ZC3H7B: variants seen among roughly 807,000 people sequenced by gnomAD.
The protein encoded by ZC3H7B is zinc finger CCCH domain-containing protein 7B.
In ZC3H7B, 35 loss-of-function variants were observed where a neutral mutation model predicts 116.0. The observed-to-expected ratio is 0.30, with a 90% CI of 0.23 to 0.40. The LOEUF (loss-of-function observed/expected upper bound fraction) is 0.40, where lower values mean the gene tolerates loss of function less well. Ranked by LOEUF, ZC3H7B falls within the 10% of genes least tolerant of loss-of-function variation. The pLI is 1.00. For synonymous variants in ZC3H7B, 502 were observed against 545.6 expected, an observed-to-expected ratio of 0.92 and a Z score of 1.11; for missense variants, 1,011 against 1,321.5, an observed-to-expected ratio of 0.77 and a Z score of 3.64.
At chr22:41,311,478 G>C (rs910402124) in intron 1 of ZC3H7B, among the ~76,000 whole-genome samples, 4 of 152,072 alleles carry the variant, frequency 2.6e-5, no homozygotes, top group African/African-American at 9.7e-5. Flanking sequence ...GGACACAGAG[G>C]CATCTAAGCT....
chr22:41,354,485 G>A (rs1182396957), intron 17 of ZC3H7B, among the ~76,000 whole-genome samples: 4 of 152,174 alleles, frequency 2.6e-5, no homozygotes. Context: ...GCAATGCTGG[G>A]GACACGGTGG....
At chr22:41,337,729 CAG>C (rs1040201198) in intron 7 of ZC3H7B, among the ~76,000 whole-genome samples, 1 of 152,158 alleles carries the variant, frequency 6.6e-6, no homozygotes, top group Admixed American at 6.5e-5. Flanking sequence ...AACCAAGACT[CAG>C]AGGTTCTCTC....
At chr22:41,343,951 T>C (rs1315846218) in intron 13 of ZC3H7B, among the ~76,000 whole-genome samples, 1 of 152,182 alleles carries the variant, frequency 6.6e-6, no homozygotes, top group Non-Finnish European at 1.5e-5. Context: ...ATGAAGCATT[T>C]AGGACTGGCG....
Position 41,359,614 on chromosome 22 carries a change from A to T in ZC3H7B, c.*2185A>T, listed in dbSNP as rs1272957618. ...ATTTGTATTTGTCTCCCCGCTGAAA[A>T]GAACAGGATTCAAGTCCAGAGTTTT... On this transcript the variant is annotated 3_prime_UTR_variant, in exon 23 of 23. Coordinates refer to ENST00000352645, the MANE Select transcript of ZC3H7B (RefSeq NM_017590.6). The T allele has an allele frequency of 6.6e-6, 1 of 152,258 alleles. No homozygotes were observed. Among genetic ancestry groups the T allele is most frequent in the Non-Finnish European group, 1.5e-5 (1 of 68,100 alleles). The allele number at this position is 152,258 out of a possible 1,614,324, so 9.4% of individuals were successfully genotyped here. A position where few individuals can be genotyped will look rare whatever the true frequency, so the allele number is the denominator to read the frequency against.
intron 1 of ZC3H7B, among the ~76,000 whole-genome samples, chr22:41,305,118 G>T (rs972866731): frequency 6.6e-6 from 1 of 152,136 alleles, no homozygotes; most frequent in Non-Finnish European, 1.5e-5. Context: ...ACGCCGGGGC[G>T]GGTGGATCAC....
At chr22:41,348,454 AAGTAGCTT>A in intron 15 of ZC3H7B, among the ~76,000 whole-genome samples, 1 of 152,324 alleles carries the variant, frequency 6.6e-6, no homozygotes, top group South Asian at 2.1e-4. Flanking sequence ...TGAGGCTTGG[AAGTAGCTT>A]ACTTAGCTTA....
In ZC3H7B at chr22:41,338,492, G is replaced by A; in HGVS notation, c.625+137G>A. On this transcript the variant is annotated intron_variant, in intron 8 of 22. Transcript: ENST00000352645. The surrounding 1 kb of genome is among the most constrained non-coding windows in gnomAD (Gnocchi z 4.5). ...CCCACCCTGGTACTCCCTGAGGCAT[G>A]GGAGAAAACAGTGGGTTGAGAGCTA... The A allele has an allele frequency of 1.1e-6, 1 of 895,378 alleles. No individual in the cohort carries two copies. The highest frequency in any genetic ancestry group is 1.7e-6 in the Non-Finnish European group (1 of 577,612). 55.5% of individuals were successfully genotyped at this position (895,378 alleles called of 1,614,324 possible).
Position 41,349,221 on chromosome 22 carries a change from A to G in ZC3H7B, c.1868A>G (p.Tyr623Cys). 1 of 1,613,676 alleles carries G rather than the reference A, an allele frequency of 6.2e-7. No homozygotes were observed. Among genetic ancestry groups the G allele is most frequent in the Non-Finnish European group, 8.5e-7 (1 of 1,180,008 alleles). Reference sequence around the variant, plus strand: ...GACGTGTGCCGCCATGAGGTGCGCTACGGCTGCCTGCGGGAGGACAGCTGC... The same window carrying G: ...GACGTGTGCCGCCATGAGGTGCGCTGCGGCTGCCTGCGGGAGGACAGCTGC... The part of the protein sequence containing the change: ...QFDVCRHEVR[Y>C]GCLREDSCHF... Residue 623 changes from tyrosine (Y) to cysteine (C), a missense_variant, in exon 16 of 23, where the codon TAC becomes TGC. Tyr to Cys is a radical substitution (Grantham distance 194). This residue lies in a region of ZC3H7B where 406 missense variants were observed against 590.2 expected (regional missense o/e 0.69). Transcript: ENST00000352645. The surrounding 1 kb of genome is among the most constrained non-coding windows in gnomAD (Gnocchi z 4.9).
In ZC3H7B at chr22:41,357,592, G is replaced by T; in HGVS notation, c.*163G>T. On this transcript the variant is annotated 3_prime_UTR_variant, in exon 23 of 23. Transcript: ENST00000352645. The surrounding 1 kb of genome is among the most constrained non-coding windows in gnomAD (Gnocchi z 5.4). ...TCCATCTTCTCCCCACCACCGCCCCGGTGTGCGTACCCAGGCGCACGTGCT... is the reference window on the plus strand; with the variant it reads ...TCCATCTTCTCCCCACCACCGCCCCTGTGTGCGTACCCAGGCGCACGTGCT... 9.8e-7 allele frequency: 1 copy of T among 1,024,822 alleles called. No individual in the cohort carries two copies. 63.5% of individuals were successfully genotyped at this position (1,024,822 alleles called of 1,614,324 possible).
At position 41,356,758 on chromosome 22, in the gene ZC3H7B, C is replaced by T; in HGVS notation, c.2631C>T (p.Ala877=). ...AGGTCTTCACGTCCGACAGTGACGC[C>T]AGCGGCTGGGCCTTCCGCTTCCCCA... is the stretch of plus-strand genomic sequence containing the variant. The part of the protein sequence containing the change: ...KEKVFTSDSD[A]SGWAFRFPMG... The change falls in exon 22 of 23, where the codon GCC becomes GCT. Residue 877 remains alanine (A), a synonymous_variant. Coordinates refer to ENST00000352645, the MANE Select transcript of ZC3H7B (RefSeq NM_017590.6). 1 of 1,613,644 alleles carries T rather than the reference C, an allele frequency of 6.2e-7. No individual in the cohort carries two copies. Among genetic ancestry groups the T allele is most frequent in the Non-Finnish European group, 8.5e-7 (1 of 1,179,998 alleles).
In ZC3H7B at chr22:41,322,927, C is replaced by T. The variant is rs367913079; in HGVS notation, c.53+2214C>T. Among the ~76,000 whole-genome samples, 60 of 152,320 alleles carry T rather than the reference C, an allele frequency of 3.9e-4. 1 individual carries two copies. The South Asian group carries it at 0.012, about 31-fold the overall frequency. Reference sequence around the variant, plus strand: ...GATTGCAGGCGCGTGCTGCTGTGCCCAGCGTACTCCCTTGCCTTTTCTCAC... The same window carrying T: ...GATTGCAGGCGCGTGCTGCTGTGCCTAGCGTACTCCCTTGCCTTTTCTCAC... On this transcript the variant is annotated intron_variant, in intron 2 of 22. Coordinates refer to ENST00000352645, the MANE Select transcript of ZC3H7B (RefSeq NM_017590.6).
chr22:41,356,841 T>C (rs2036726212), intron 22 of ZC3H7B, 33 bp downstream of exon 22: 2 of 1,611,174 alleles, frequency 1.2e-6, no homozygotes, highest in African/African-American at 1.3e-5. Flanking sequence ...TGGCGGGACA[T>C]GGGGTGGCCC....
chr22:41,348,433 G>A (rs990528129), intron 15 of ZC3H7B, among the ~76,000 whole-genome samples: 1 of 152,174 alleles, frequency 6.6e-6, no homozygotes, highest in Non-Finnish European at 1.5e-5. Context: ...CTGTTGTACA[G>A]AACAAAAAGC....
intron 7 of ZC3H7B, chr22:41,332,822 A>G (rs2036399220): frequency 6.5e-6 from 1 of 152,764 alleles, no homozygotes; most frequent in African/African-American, 2.4e-5. Flanking sequence ...AAGGGAGGAA[A>G]GTGCTTGATA....
At chr22:41,356,513 G>A (rs773060944) in intron 21 of ZC3H7B, 37 bp downstream of exon 21, 20 of 1,612,806 alleles carry the variant, frequency 1.2e-5, no homozygotes, top group South Asian at 3.3e-5. Flanking sequence ...GGCTGCGGTC[G>A]GGGCTGTGGT....
chr22:41,341,140 C>A lies in ZC3H7B; in HGVS notation c.1191C>A (p.Ala397=), dbSNP rs777271868. 1 of 1,613,972 alleles carries A rather than the reference C, an allele frequency of 6.2e-7. No homozygotes were observed. The highest frequency in any genetic ancestry group is 1.7e-5 in the Admixed American group (1 of 59,998). Residue 397 remains alanine, a synonymous_variant, in exon 11 of 23, where the codon GCC becomes GCA. Transcript: ENST00000352645. ...HRPPSGAQKP[A]PSPEPCMPNT... is the part of the protein sequence containing the mutation. ...CCCCTAGCGGTGCTCAGAAACCAGC[C>A]CCCTCGGTGAGTGACTTGAGTGGGG...
chr22:41,330,134 G>T, intron 6 of ZC3H7B, 31 bp downstream of exon 6: 1 of 1,611,762 alleles, frequency 6.2e-7, no homozygotes, highest in African/African-American at 1.3e-5. Context: ...GGGAGGGTCG[G>T]TGTGGACGTG....
At chr22:41,320,096 G>C (rs59945879) in intron 1 of ZC3H7B, among the ~76,000 whole-genome samples, 12,460 of 151,632 alleles carry the variant, frequency 0.082, 1,657 homozygotes, top group East Asian at 0.44. Flanking sequence ...ACCTTGGGAG[G>C]CTGAGGCAGA....
rs1167614482 is a variant in ZC3H7B at position 41,359,163 on chromosome 22, G to A, written c.*1734G>A. ...GGGGAGGGGAGACCACACCCAAGGT[G>A]GGGGCTGTGGCCATGTGTGGCCGTG... On this transcript the variant is annotated 3_prime_UTR_variant, in exon 23 of 23. Transcript: ENST00000352645. The A allele has an allele frequency of 2.0e-5, 3 of 152,872 alleles. No homozygotes were observed. The highest frequency in any genetic ancestry group is 2.0e-4 in the Admixed American group (3 of 15,298). The allele number at this position is 152,872 out of a possible 1,614,324, so 9.5% of individuals were successfully genotyped here.
Sources: allele counts gnomAD v4.1 joint callset (sites outside exome capture counted in the v4.1 genomes callset), GRCh38; gene constraint gnomAD v4.1.1; regional missense constraint gnomAD v4.1.1; non-coding constraint Gnocchi (gnomAD v3.1); transcripts MANE v1.5; gene names NCBI Gene and HGNC (gene_info 2026-07-23, HGNC 2026-07-21).